The following FKBP5 variants were observed in gnomAD, a reference collection of about 807,000 sequenced individuals.
FKBP5 encodes the protein FKBP prolyl isomerase 5, also known as peptidyl-prolyl cis-trans isomerase FKBP5.
Under a neutral mutation model 50.5 loss-of-function variants are expected in FKBP5, and 23 were observed. The observed-to-expected ratio is 0.46, with a 90% CI of 0.33 to 0.65. The LOEUF is 0.65. FKBP5 is among the 30% of genes least tolerant of loss of function. The probability of loss-of-function intolerance (pLI) is 0.02; values close to 1 mark genes in which losing one functional copy is unlikely to be tolerated. For synonymous variants in FKBP5, 176 were observed against 190.6 expected (o/e 0.92, Z 0.63); for missense variants, 411 against 553.1 (o/e 0.74, Z 2.58).
chr6:35,613,451 C>T (rs1049752254), intron 5 of FKBP5, among the ~76,000 whole-genome samples: 2 of 152,128 alleles, frequency 1.3e-5, no homozygotes, highest in Admixed American at 6.5e-5. Flanking sequence ...CCTGACCTCA[C>T]GTGATCTGCC....
chr6:35,682,840 T>C (rs1765705928), intron 1 of FKBP5, among the ~76,000 whole-genome samples: 1 of 151,088 alleles, frequency 6.6e-6, no homozygotes, highest in South Asian at 2.1e-4. Context: ...CCCAGGAGTT[T>C]GTGTCGAGGC....
intron 2 of FKBP5, among the ~76,000 whole-genome samples, chr6:35,703,803 G>A (rs1386513512): frequency 6.6e-6 from 1 of 152,216 alleles, no homozygotes; most frequent in Admixed American, 6.5e-5. Flanking sequence ...CAGGAGGCTT[G>A]GTGGTCACAG....
chr6:35,583,747 T>C (rs1430458090), intron 8 of FKBP5: 1 of 978,896 alleles, frequency 1.0e-6, no homozygotes, highest in African/African-American at 1.8e-5. Context: ...ATGTTGATAG[T>C]ACTGAGGTTG....
At chr6:35,606,151 G>A (rs1276596337) in intron 5 of FKBP5, among the ~76,000 whole-genome samples, 1 of 152,120 alleles carries the variant, frequency 6.6e-6, no homozygotes, top group African/African-American at 2.4e-5. Flanking sequence ...GAAAACATTT[G>A]CAAATTATGC....
rs146017105 is a variant in FKBP5, at chr6:35,585,003, A to G, written c.840+2031T>C. On this transcript the variant is annotated intron_variant, in intron 8 of 10. Transcript: ENST00000357266. ...CTGTATATATTCAGAACACAGCTAT[A>G]TGACAGATGGCTTCATAACATTATT... 5.7e-5 allele frequency: 56 copies of G among 985,408 alleles called. No individual in the cohort carries two copies. The East Asian group carries it at 5.6e-3, about 98-fold the overall frequency. The allele number at this position is 985,408 out of a possible 1,614,324, so 61.0% of individuals were successfully genotyped here.
intron 5 of FKBP5, among the ~76,000 whole-genome samples, chr6:35,611,994 T>C (rs1172325273): frequency 6.6e-6 from 1 of 152,188 alleles, no homozygotes; most frequent in African/African-American, 2.4e-5. Context: ...TTAAGATATA[T>C]CATTAATTTG....
chr6:35,622,139 T>C (rs1763863485), intron 3 of FKBP5, among the ~76,000 whole-genome samples: 1 of 152,244 alleles, frequency 6.6e-6, no homozygotes, highest in African/African-American at 2.4e-5. Flanking sequence ...AACCATTTTT[T>C]ATTCATGACT....
chr6:35,627,510 G>T (rs532189135), intron 3 of FKBP5, among the ~76,000 whole-genome samples: 219 of 152,096 alleles, frequency 1.4e-3, no homozygotes, highest in African/African-American at 4.8e-3. Flanking sequence ...TGTGTATTCT[G>T]GGTATTAATC....
At chr6:35,683,392 C>T (rs566377787) in intron 1 of FKBP5, among the ~76,000 whole-genome samples, 1 of 151,490 alleles carries the variant, frequency 6.6e-6, no homozygotes, top group African/African-American at 2.4e-5. Context: ...GCTCAAGCAA[C>T]CCTCCTGCCT....
At chr6:35,693,164 T>TTA (rs1554138595), upstream of FKBP5, among the ~76,000 whole-genome samples, 1 of 18,742 alleles carries the variant, frequency 5.3e-5, no homozygotes, top group African/African-American at 1.3e-4. Context: ...TCTCTCTCTC[T>TTA]TTTTTTTTTT....
chr6:35,637,616 T>C (rs1377856149), intron 2 of FKBP5, among the ~76,000 whole-genome samples: 1 of 151,896 alleles, frequency 6.6e-6, no homozygotes. Flanking sequence ...GGCGTGCGCC[T>C]CCGTGCTCAG....
intron 1 of FKBP5, among the ~76,000 whole-genome samples, chr6:35,725,821 G>T (rs1225786296): frequency 6.6e-6 from 1 of 152,138 alleles, no homozygotes; most frequent in Non-Finnish European, 1.5e-5. Flanking sequence ...CAGCCTTTTT[G>T]AGAGCTGTGA....
At chr6:35,667,035 G>GTA (rs1311647158) in intron 1 of FKBP5, among the ~76,000 whole-genome samples, 1 of 150,286 alleles carries the variant, frequency 6.7e-6, no homozygotes, top group African/African-American at 2.5e-5. Context: ...GTGTGTGTGT[G>GTA]TGTGTGTGTG....
At chr6:35,652,956 C>T (rs1041557728) in intron 1 of FKBP5, among the ~76,000 whole-genome samples, 4 of 152,088 alleles carry the variant, frequency 2.6e-5, no homozygotes, top group East Asian at 3.9e-4. Context: ...AGCCAGCTGA[C>T]GCTTAGGAAA....
At chr6:35,706,388 C>T (rs1319892445) in intron 2 of FKBP5, among the ~76,000 whole-genome samples, 1 of 140,866 alleles carries the variant, frequency 7.1e-6, no homozygotes, top group Non-Finnish European at 1.5e-5. Flanking sequence ...TGTGCCATTG[C>T]ACTCCAGCCT....
At chr6:35,603,448 A>C (rs1293378507) in intron 5 of FKBP5, among the ~76,000 whole-genome samples, 1 of 152,222 alleles carries the variant, frequency 6.6e-6, no homozygotes, top group Non-Finnish European at 1.5e-5. Context: ...GTAAATATTT[A>C]TTTAATGACT....
intron 8 of FKBP5, chr6:35,582,806 G>A (rs1762476663): frequency 7.1e-6 from 7 of 985,332 alleles, no homozygotes; most frequent in Non-Finnish European, 8.4e-6. Flanking sequence ...TCTCTTGCTG[G>A]TCTTTGAGGA....
At chr6:35,710,723 A>C (rs988246153) in intron 2 of FKBP5, among the ~76,000 whole-genome samples, 5 of 152,254 alleles carry the variant, frequency 3.3e-5, no homozygotes, top group African/African-American at 9.6e-5. Context: ...ATAATAGCCC[A>C]AAATGACAAA....
At chr6:35,696,578 A>G (rs1366660095) in intron 2 of FKBP5, among the ~76,000 whole-genome samples, 3 of 152,106 alleles carry the variant, frequency 2.0e-5, no homozygotes, top group Non-Finnish European at 4.4e-5. Context: ...ATGTTTATGG[A>G]TTAAGTAATG....
Sources: gnomAD v4.1 joint callset for allele counts (sites outside exome capture counted in the v4.1 genomes callset) on GRCh38, gnomAD v4.1.1 for gene constraint, MANE v1.5 for transcripts, NCBI Gene and HGNC (gene_info 2026-07-23, HGNC 2026-07-21) for gene names.